The following RGS5 variants were observed in gnomAD, a reference collection of about 807,000 sequenced individuals.
The protein encoded by RGS5 is regulator of G-protein signalling 5.
Under a neutral mutation model 18.9 loss-of-function variants are expected in RGS5, and 20 were observed. The observed-to-expected ratio is 1.06, with a 90% CI of 0.74 to 1.54. The LOEUF is 1.54. Among genes scored for constraint, RGS5 ranks in the 40% most tolerant of loss-of-function variants. The pLI, the probability that RGS5 is intolerant of heterozygous loss-of-function variation, is 0.00. For missense variants in RGS5, 201 were observed against 211.8 expected, an observed-to-expected ratio of 0.95 and a Z score of 0.32; for synonymous variants, 57 against 76.2, an observed-to-expected ratio of 0.75 and a Z score of 1.31.
intron 1 of RGS5, among the ~76,000 whole-genome samples, chr1:163,309,012 T>TAA: frequency 6.6e-6 from 1 of 152,348 alleles, no homozygotes; most frequent in African/African-American, 2.4e-5. Context: ...TTTTTGCTTA[T>TAA]AGAGGGTCTT....
chr1:163,163,341 T>A (rs1325438029), intron 2 of RGS5, among the ~76,000 whole-genome samples: 1 of 152,196 alleles, frequency 6.6e-6, no homozygotes, highest in African/African-American at 2.4e-5. Context: ...TGTGAAATAA[T>A]CTTGGGTGAT....
intron 1 of RGS5, among the ~76,000 whole-genome samples, chr1:163,197,633 A>C (rs2101655989): frequency 6.6e-6 from 1 of 152,296 alleles, no homozygotes; most frequent in South Asian, 2.1e-4. Context: ...CATCAGTAGG[A>C]ATCAAAATAA....
upstream of RGS5, among the ~76,000 whole-genome samples, chr1:163,205,342 C>T (rs1381120954): frequency 7.2e-5 from 2 of 27,684 alleles, no homozygotes; most frequent in Admixed American, 8.5e-4. Flanking sequence ...TTTTTAACCA[C>T]AGTAAAAAAA....
intron 2 of RGS5, among the ~76,000 whole-genome samples, chr1:163,252,828 A>G (rs1196336596): frequency 6.6e-6 from 1 of 152,194 alleles, no homozygotes; most frequent in African/African-American, 2.4e-5. Flanking sequence ...TGGCCACTAG[A>G]CATGGATTCT....
intron 3 of RGS5, among the ~76,000 whole-genome samples, chr1:163,154,983 C>G (rs2102386064): frequency 6.6e-6 from 1 of 151,594 alleles, no homozygotes; most frequent in Admixed American, 6.6e-5. Context: ...GTATATAAAA[C>G]TATGTATATG....
rs537083106 is a variant in RGS5, at chr1:163,269,210, C to A, written c.-281+37023G>T. Among the ~76,000 whole-genome samples, 4 of 152,152 alleles carry A rather than the reference C, an allele frequency of 2.6e-5. No homozygotes were observed. The South Asian group carries it at 8.3e-4, about 32-fold the overall frequency. On this transcript the variant is annotated intron_variant, in intron 2 of 5. Transcript: ENST00000618415. ...AATCTAGGAAATATTTACAAGTGTA[C>A]ACATATATGAAAAGGGGTTAATAAA...
chr1:163,244,914 A>G (rs1319526474), intron 2 of RGS5: 2 of 152,208 alleles, frequency 1.3e-5, no homozygotes, highest in Non-Finnish European at 2.9e-5. Flanking sequence ...CTAGAGTTCT[A>G]CTTTTCAGAT....
At chr1:163,258,477 G>C (rs1553699) in intron 2 of RGS5, among the ~76,000 whole-genome samples, 1 of 152,276 alleles carries the variant, frequency 6.6e-6, no homozygotes, top group Middle Eastern at 3.4e-3. Context: ...ATTTATATGT[G>C]ATTTGGGAAA....
intron 2 of RGS5, among the ~76,000 whole-genome samples, chr1:163,266,145 T>C (rs1464172326): frequency 6.6e-6 from 1 of 152,132 alleles, no homozygotes; most frequent in Admixed American, 6.5e-5. Context: ...CTCCTGTTTT[T>C]ATTACAACCC....
chr1:163,218,758 A>G (rs145940763), upstream of RGS5, among the ~76,000 whole-genome samples: 763 of 152,314 alleles, frequency 5.0e-3, 5 homozygotes, highest in African/African-American at 0.017. Flanking sequence ...ATGGGAAAAT[A>G]GGAGATTAAG....
intron 2 of RGS5, among the ~76,000 whole-genome samples, chr1:163,229,496 A>G (rs1647417850): frequency 6.6e-6 from 1 of 152,182 alleles, no homozygotes; most frequent in Admixed American, 6.5e-5. Flanking sequence ...GCAAAGTTGG[A>G]GTAGTAACAT....
At chr1:163,219,481 G>C (rs543357500), upstream of RGS5, among the ~76,000 whole-genome samples, 1 of 152,136 alleles carries the variant, frequency 6.6e-6, no homozygotes, top group African/African-American at 2.4e-5. Context: ...GACTCCTGAG[G>C]TTCCTGCAAC....
chr1:163,297,453 T>C (rs1339856323), intron 2 of RGS5, among the ~76,000 whole-genome samples: 1 of 152,154 alleles, frequency 6.6e-6, no homozygotes, highest in Non-Finnish European at 1.5e-5. Context: ...ATTTTTGCTT[T>C]CTCTTGGTCC....
intron 2 of RGS5, among the ~76,000 whole-genome samples, chr1:163,243,491 C>CA (rs1223978447): frequency 2.0e-5 from 3 of 151,438 alleles, no homozygotes; most frequent in African/African-American, 7.3e-5. Context: ...ACTAAAAATA[C>CA]AAAAAATTAG....
intron 2 of RGS5, among the ~76,000 whole-genome samples, chr1:163,294,313 A>T (rs1028752725): frequency 3.3e-5 from 5 of 152,230 alleles, no homozygotes; most frequent in African/African-American, 1.2e-4. Context: ...CCCAAAGCTC[A>T]GCTCTTGTCT....
At chr1:163,160,458 T>C (rs1657756488) in intron 3 of RGS5, among the ~76,000 whole-genome samples, 1 of 152,168 alleles carries the variant, frequency 6.6e-6, no homozygotes, top group Non-Finnish European at 1.5e-5. Context: ...CATTCACTCA[T>C]TCACTACATA....
intron 2 of RGS5, among the ~76,000 whole-genome samples, chr1:163,275,837 G>C (rs1165792502): frequency 6.6e-6 from 1 of 152,092 alleles, no homozygotes; most frequent in Non-Finnish European, 1.5e-5. Context: ...AAAGAAATAA[G>C]TAAAATTTTC....
At chr1:163,246,070 A>C (rs1339615172) in intron 2 of RGS5, among the ~76,000 whole-genome samples, 3 of 151,688 alleles carry the variant, frequency 2.0e-5, no homozygotes, top group Non-Finnish European at 1.5e-5. Flanking sequence ...ACAAAAAATT[A>C]GCCAGGCGTG....
At chr1:163,262,113 T>C (rs566368713) in intron 2 of RGS5, among the ~76,000 whole-genome samples, 1 of 151,564 alleles carries the variant, frequency 6.6e-6, no homozygotes, top group South Asian at 2.1e-4. Context: ...AGCCAGTCTA[T>C]GTTCTGGGAG....
Sources: allele counts gnomAD v4.1 joint callset (sites outside exome capture counted in the v4.1 genomes callset), GRCh38; gene constraint gnomAD v4.1.1; transcripts MANE v1.5; gene names NCBI Gene and HGNC (gene_info 2026-07-23, HGNC 2026-07-21).